RSRC2: variants seen among roughly 807,000 people sequenced by gnomAD.
The protein encoded by RSRC2 is arginine and serine rich coiled-coil 2.
RSRC2 carries 5 observed loss-of-function variants against 61.3 expected under a neutral mutation model. The ratio of observed to expected loss-of-function variants is 0.08; its 90% CI spans 0.04 to 0.17. RSRC2 has a LOEUF of 0.17. Ranked by LOEUF, RSRC2 falls within the 10% of genes least tolerant of loss-of-function variation. RSRC2 has a pLI of 1.00. For missense variants in RSRC2, 381 were observed against 518.8 expected (o/e 0.73, Z 2.58); for synonymous variants, 202 against 166.5 (o/e 1.21, Z -1.64).
At position 122,515,920 on chromosome 12, in the gene RSRC2, C is replaced by G. The variant is rs573341507; in HGVS notation, c.603-693G>C. Among the ~76,000 whole-genome samples, 9 of 152,206 alleles carry G rather than the reference C, an allele frequency of 5.9e-5. No individual in the cohort carries two copies. The East Asian group carries it at 1.4e-3, about 23-fold the overall frequency. On this transcript the variant is annotated intron_variant, in intron 5 of 9. Transcript: ENST00000331738. Reference sequence around the variant, plus strand: ...AGGAAAATCGCTTGAACCCAGGAGGCAGAGGTTGCAGTGAGCCAAGATTGT... The same window carrying G: ...AGGAAAATCGCTTGAACCCAGGAGGGAGAGGTTGCAGTGAGCCAAGATTGT...
rs1958023465 is a variant in RSRC2, at chr12:122,504,852, A to G, written c.*675T>C. ...CAAGTCTGTCCCTTATAATAGGAAA[A>G]CATACTATTTTAGTAAGTTTTCTCC... is the stretch of plus-strand genomic sequence containing the variant. On this transcript the variant is annotated 3_prime_UTR_variant, in exon 10 of 10. Transcript: ENST00000331738. 6.6e-6 allele frequency: 1 copy of G among 152,604 alleles called. No homozygotes were observed. The highest frequency in any genetic ancestry group is 2.1e-4 in the South Asian group (1 of 4,834). The allele number at this position is 152,604 out of a possible 1,614,324, so 9.5% of individuals were successfully genotyped here.
At position 122,515,232 on chromosome 12, in the gene RSRC2, A is replaced by G; in HGVS notation, c.603-5T>C. ...TCAATTCTCTTCTTTCTATCTCTGT[A>G]GTAAATCGTATTTCATATGTCAAAT... On this transcript the variant is annotated splice_polypyrimidine_tract_variant and splice_region_variant and intron_variant, in intron 5 of 9. Transcript: ENST00000331738. 6.2e-7 allele frequency: 1 copy of G among 1,612,192 alleles called. No homozygotes were observed. The highest frequency in any genetic ancestry group is 1.1e-5 in the South Asian group (1 of 90,470).
intron 7 of RSRC2, among the ~76,000 whole-genome samples, chr12:122,509,455 A>AAAAAAC (rs752449483): frequency 8.4e-4 from 128 of 151,998 alleles, no homozygotes; most frequent in African/African-American, 2.9e-3. Flanking sequence ...GTCTCAAAAA[A>AAAAAAC]AAAAACAAAA....
intron 6 of RSRC2, among the ~76,000 whole-genome samples, chr12:122,513,244 TA>T (rs62828961): frequency 0.088 from 4,102 of 46,834 alleles, 140 homozygotes; most frequent in African/African-American, 0.13. Flanking sequence ...AATAAATAAA[TA>T]AAATAAAATA....
At position 122,526,842 on chromosome 12, in the gene RSRC2, A is replaced by G; in HGVS notation, c.6+6T>C. ...CCCTGGCTTTAAACTCAGATTCGGT[A>G]CCTACCGCCATAGTTCAGAGTCCCG... On this transcript the variant is annotated splice_donor_region_variant and intron_variant, in intron 1 of 9. Transcript: ENST00000331738. 6.2e-7 allele frequency: 1 copy of G among 1,614,214 alleles called. No individual in the cohort carries two copies. The highest frequency in any genetic ancestry group is 8.5e-7 in the Non-Finnish European group (1 of 1,180,024).
In RSRC2 at chr12:122,513,693, G is replaced by C. The variant is rs189081432; in HGVS notation, c.725+1412C>G. ...AAGATACGTGTGACTACAACTGGTT[G>C]CATTAAAATGGCCATTGAAGATTTG... On this transcript the variant is annotated intron_variant, in intron 6 of 9. Coordinates refer to ENST00000331738, the MANE Select transcript of RSRC2 (RefSeq NM_023012.6). 2.3e-4 allele frequency: 122 copies of C among 523,870 alleles called. 1 individual carries two copies. In the Middle Eastern group the frequency reaches 0.011, roughly 48 times the overall value. The allele number at this position is 523,870 out of a possible 1,614,324, so 32.5% of individuals were successfully genotyped here.
At chr12:122,513,249 TAAAATA>T (rs201813921) in intron 6 of RSRC2, among the ~76,000 whole-genome samples, 2,088 of 130,634 alleles carry the variant, frequency 0.016, 50 homozygotes, top group African/African-American at 0.05. Context: ...ATAAATAAAA[TAAAATA>T]AAAATAAAAA....
At chr12:122,508,037 C>A in intron 8 of RSRC2, 181 bp downstream of exon 8, 1 of 666,702 alleles carries the variant, frequency 1.5e-6, no homozygotes, top group Non-Finnish European at 2.7e-6. Context: ...CTCCTTACCT[C>A]AACTGATCCG....
intron 8 of RSRC2, 114 bp downstream of exon 8, chr12:122,508,104 A>C (rs559319483): frequency 8.8e-5 from 84 of 952,564 alleles, no homozygotes; most frequent in Admixed American, 1.6e-4. Context: ...GCGTCTGGCC[A>C]CCCCAGGTTC....
Position 122,511,200 on chromosome 12 carries a change from A to C in RSRC2, c.726-12T>G. ...TTGCCCTTTCCAACCTGCAAAATTAATTTCAATGAATTTAAAATAACACAA... is the reference window on the plus strand; with the variant it reads ...TTGCCCTTTCCAACCTGCAAAATTACTTTCAATGAATTTAAAATAACACAA... On this transcript the variant is annotated splice_polypyrimidine_tract_variant and intron_variant, in intron 6 of 9. Transcript: ENST00000331738. 6.4e-7 allele frequency: 1 copy of C among 1,567,886 alleles called. No homozygotes were observed. Among genetic ancestry groups the C allele is most frequent in the South Asian group, 1.1e-5 (1 of 89,174 alleles).
At chr12:122,514,593 A>AG in intron 6 of RSRC2, 1 of 1,041,242 alleles carries the variant, frequency 9.6e-7, no homozygotes, top group Middle Eastern at 4.7e-4. Context: ...AAAAAAAAAA[A>AG]AAAAAGTTCT....
Position 122,506,633 on chromosome 12 carries a change from A to AGT in RSRC2, c.1125+199_1125+200dup, listed in dbSNP as rs991526227. 5 of 510,310 alleles carry AGT rather than the reference A, an allele frequency of 9.8e-6. No individual in the cohort carries two copies. In the Admixed American group the frequency reaches 1.4e-4, roughly 15 times the overall value. The allele number at this position is 510,310 out of a possible 1,614,324, so 31.6% of individuals were successfully genotyped here. A position where few individuals can be genotyped will look rare whatever the true frequency, so the allele number is the denominator to read the frequency against. ...AACCCCGTCTCTCTCTCTCTCTCCA[A>AGT]GTGTGTGTGTAGGGAGGACAGTGGG... On this transcript the variant is annotated intron_variant, in intron 9 of 9. Transcript: ENST00000331738.
intron 3 of RSRC2, 52 bp downstream of exon 3, chr12:122,521,333 A>C: frequency 7.2e-7 from 1 of 1,385,810 alleles, no homozygotes. Context: ...TCTTTCTACC[A>C]GACACTTTAT....
At chr12:122,514,775 T>G in intron 6 of RSRC2, 1 of 1,064,998 alleles carries the variant, frequency 9.4e-7, no homozygotes. Context: ...TCATCTTAGA[T>G]GAGAAAATAA....
At chr12:122,520,615 T>C (rs771227033) in intron 3 of RSRC2, 1 of 1,312,202 alleles carries the variant, frequency 7.6e-7, no homozygotes, top group Non-Finnish European at 1.0e-6. Context: ...TGTTATCATG[T>C]GAGCTAAACA....
At chr12:122,520,454 G>T in intron 3 of RSRC2, 1 of 1,007,164 alleles carries the variant, frequency 9.9e-7, no homozygotes, top group Non-Finnish European at 1.4e-6. Flanking sequence ...ACCCTTAACT[G>T]ATTTAAGATA....
intron 8 of RSRC2, 106 bp downstream of exon 8, chr12:122,508,112 T>C: frequency 9.6e-7 from 1 of 1,045,880 alleles, no homozygotes; most frequent in South Asian, 1.3e-5. Context: ...CCACCCCAGG[T>C]TCTTACAAAG....
At position 122,503,956 on chromosome 12, in the gene RSRC2, C is replaced by T. The variant is rs994173644; in HGVS notation, c.*1571G>A. 4.6e-5 allele frequency: 7 copies of T among 152,212 alleles called. No homozygotes were observed. The highest frequency in any genetic ancestry group is 9.6e-5 in the African/African-American group (4 of 41,510). 9.4% of individuals were successfully genotyped at this position (152,212 alleles called of 1,614,324 possible). A position where few individuals can be genotyped will look rare whatever the true frequency, so the allele number is the denominator to read the frequency against. ...AACAAGCTAGGTGTGTTGGTGAGCA[C>T]CTGTGGTCCCAGGTACTCAAGAGGC... On this transcript the variant is annotated 3_prime_UTR_variant, in exon 10 of 10. Coordinates refer to ENST00000331738, the MANE Select transcript of RSRC2 (RefSeq NM_023012.6).
In RSRC2 at chr12:122,519,007, T is replaced by A; in HGVS notation, c.230A>T (p.Asp77Val). Residue 77 changes from aspartate (D) to valine (V), a missense_variant, in exon 4 of 10, where the codon GAT becomes GTT. By Grantham distance (152) the Asp-to-Val change is radical. Coordinates refer to ENST00000331738, the MANE Select transcript of RSRC2 (RefSeq NM_023012.6). Reference protein sequence around the residue: ...SKEGRRHESKDKSSKKHKSEE... With the variant: ...SKEGRRHESKVKSSKKHKSEE... ...AGACTTATGTTTCTTAGAGGATTTA[T>A]CTTTGGATTCATGTCTTCTTCCCTG... 6.2e-7 allele frequency: 1 copy of A among 1,613,620 alleles called. No individual in the cohort carries two copies. Among genetic ancestry groups the A allele is most frequent in the South Asian group, 1.1e-5 (1 of 91,070 alleles).
Sources: allele counts gnomAD v4.1 joint callset (sites outside exome capture counted in the v4.1 genomes callset), GRCh38; gene constraint gnomAD v4.1.1; transcripts MANE v1.5; gene names NCBI Gene and HGNC (gene_info 2026-07-23, HGNC 2026-07-21).